The following KLHL32 variants were observed in gnomAD, a reference collection of about 807,000 sequenced individuals.
KLHL32 encodes the protein kelch like family member 32.
A neutral mutation model predicts 64.8 loss-of-function variants in KLHL32; 35 were observed. That is an observed-to-expected ratio of 0.54 (90% confidence interval 0.41 to 0.72). KLHL32 has a LOEUF of 0.72. KLHL32 is among the 30% of genes least tolerant of loss of function. The pLI is 0.00. For synonymous variants in KLHL32, 259 were observed against 281.0 expected (o/e 0.92, Z 0.78); for missense variants, 589 against 768.5 (o/e 0.77, Z 2.76).
At chr6:97,008,461 C>G (rs1779941096) in intron 3 of KLHL32, among the ~76,000 whole-genome samples, 1 of 152,096 alleles carries the variant, frequency 6.6e-6, no homozygotes, top group South Asian at 2.1e-4. Context: ...ACAGTCACCC[C>G]TAGGCTAATG....
intron 10 of KLHL32, among the ~76,000 whole-genome samples, chr6:97,133,332 C>T (rs1799640917): frequency 6.6e-6 from 1 of 152,196 alleles, no homozygotes; most frequent in South Asian, 2.1e-4. Context: ...TTGATAGACA[C>T]ATTCATAGTA....
intron 3 of KLHL32, among the ~76,000 whole-genome samples, chr6:96,999,875 A>G (rs1778825773): frequency 6.6e-6 from 1 of 152,166 alleles, no homozygotes. Context: ...ACATGCAAAA[A>G]AGTTTGTGCC....
In KLHL32 at chr6:97,001,141, T is replaced by C. The variant is rs9374277; in HGVS notation, c.204+24964T>C. Among the ~76,000 whole-genome samples, 95 of 152,282 alleles carry C rather than the reference T, an allele frequency of 6.2e-4. 1 individual carries two copies. The East Asian group carries it at 0.014, about 23-fold the overall frequency. Reference sequence around the variant, plus strand: ...TACATTTATAAAAACCCATAGAATATACAACACCAGGAGTGAACCCTAACG... The same window carrying C: ...TACATTTATAAAAACCCATAGAATACACAACACCAGGAGTGAACCCTAACG... On this transcript the variant is annotated intron_variant, in intron 3 of 10. Coordinates refer to ENST00000369261, the MANE Select transcript of KLHL32 (RefSeq NM_052904.4).
At chr6:97,015,243 A>G (rs1780995445) in intron 3 of KLHL32, among the ~76,000 whole-genome samples, 1 of 152,206 alleles carries the variant, frequency 6.6e-6, no homozygotes, top group Non-Finnish European at 1.5e-5. Context: ...GGAAATTGAT[A>G]CTGCAGAGAG....
At chr6:96,971,231 A>C (rs1334154469) in intron 2 of KLHL32, among the ~76,000 whole-genome samples, 2 of 152,230 alleles carry the variant, frequency 1.3e-5, no homozygotes, top group South Asian at 2.1e-4. Context: ...TTAAAATTTG[A>C]AATGCAGATG....
At chr6:97,084,296 C>G (rs894535444) in intron 5 of KLHL32, among the ~76,000 whole-genome samples, 3 of 152,154 alleles carry the variant, frequency 2.0e-5, no homozygotes, top group African/African-American at 7.2e-5. Context: ...AATTTTCTTT[C>G]AACAACTGTA....
upstream of KLHL32, among the ~76,000 whole-genome samples, chr6:96,922,089 T>A (rs1768770615): frequency 6.6e-6 from 1 of 152,232 alleles, no homozygotes; most frequent in Non-Finnish European, 1.5e-5. Flanking sequence ...TCATTTGACC[T>A]GGCACCCAAT....
chr6:96,928,685 T>C (rs1769474802), intron 1 of KLHL32, among the ~76,000 whole-genome samples: 1 of 152,244 alleles, frequency 6.6e-6, no homozygotes, highest in Admixed American at 6.5e-5. Flanking sequence ...CCTCTCATGA[T>C]ATCACTTTTC....
At chr6:97,094,856 T>C (rs1794755824) in intron 6 of KLHL32, among the ~76,000 whole-genome samples, 1 of 152,174 alleles carries the variant, frequency 6.6e-6, no homozygotes, top group South Asian at 2.1e-4. Flanking sequence ...CTTCTTTGTG[T>C]GTGTTCTTGT....
chr6:97,009,264 CAG>C (rs957390458), intron 3 of KLHL32, among the ~76,000 whole-genome samples: 1 of 151,532 alleles, frequency 6.6e-6, no homozygotes, highest in African/African-American at 2.4e-5. Flanking sequence ...TGTTAAGAAA[CAG>C]TATTTTTAAG....
At chr6:96,997,702 G>T (rs1011657950) in intron 3 of KLHL32, among the ~76,000 whole-genome samples, 2 of 151,994 alleles carry the variant, frequency 1.3e-5, no homozygotes, top group Admixed American at 6.5e-5. Flanking sequence ...TTACACCATT[G>T]CACAGGAGTG....
intron 6 of KLHL32, among the ~76,000 whole-genome samples, chr6:97,094,130 A>C (rs1205704509): frequency 1.3e-5 from 2 of 152,204 alleles, no homozygotes; most frequent in Non-Finnish European, 2.9e-5. Flanking sequence ...TGAAATTGAT[A>C]AATGTTAGTC....
chr6:97,134,315 C>T (rs1479413834), intron 10 of KLHL32, among the ~76,000 whole-genome samples: 1 of 152,222 alleles, frequency 6.6e-6, no homozygotes, highest in African/African-American at 2.4e-5. Context: ...AGGGAGTTCA[C>T]TGAAGGCTGC....
intron 3 of KLHL32, among the ~76,000 whole-genome samples, chr6:96,981,574 A>G (rs917799273): frequency 2.0e-5 from 3 of 151,478 alleles, no homozygotes; most frequent in Non-Finnish European, 4.4e-5. Flanking sequence ...GATTTTGGTT[A>G]TTTCTGGTCT....
intron 1 of KLHL32, among the ~76,000 whole-genome samples, chr6:96,951,250 C>T (rs1049987916): frequency 3.3e-5 from 5 of 152,064 alleles, no homozygotes; most frequent in African/African-American, 1.2e-4. Flanking sequence ...GCAAAGGAAA[C>T]AAACTGAGCT....
intron 1 of KLHL32, among the ~76,000 whole-genome samples, chr6:96,949,739 G>A (rs912645522): frequency 2.6e-5 from 4 of 152,066 alleles, no homozygotes; most frequent in South Asian, 2.1e-4. Flanking sequence ...CTGTGATTCC[G>A]AAAGCAGAAC....
At chr6:97,127,050 C>G (rs1384859335) in intron 7 of KLHL32, among the ~76,000 whole-genome samples, 1 of 152,154 alleles carries the variant, frequency 6.6e-6, no homozygotes, top group African/African-American at 2.4e-5. Context: ...TTCCATATAA[C>G]TATGTCCCTG....
intron 3 of KLHL32, among the ~76,000 whole-genome samples, chr6:97,027,845 T>C (rs1331220119): frequency 1.3e-5 from 2 of 152,186 alleles, no homozygotes; most frequent in Non-Finnish European, 2.9e-5. Context: ...ACTCCGAGAA[T>C]TCAGATTAGA....
chr6:97,029,638 A>G (rs748846891), intron 3 of KLHL32, among the ~76,000 whole-genome samples: 8 of 152,094 alleles, frequency 5.3e-5, no homozygotes, highest in African/African-American at 7.2e-5. Flanking sequence ...GGATTGGGTT[A>G]TTTTTTTCAT....
Sources: gnomAD v4.1 joint callset for allele counts (sites outside exome capture counted in the v4.1 genomes callset) on GRCh38, gnomAD v4.1.1 for gene constraint, MANE v1.5 for transcripts, NCBI Gene and HGNC (gene_info 2026-07-23, HGNC 2026-07-21) for gene names.